MCC: variants seen among roughly 807,000 people sequenced by gnomAD.
MCC encodes the protein MCC regulator of Wnt signaling pathway, also known as colorectal mutant cancer protein.
A neutral mutation model predicts 116.2 loss-of-function variants in MCC; 90 were observed. The observed-to-expected ratio is 0.77, with a 90% CI of 0.65 to 0.92. MCC has a LOEUF of 0.92. Ranked by LOEUF, MCC falls within the 40% of genes least tolerant of loss-of-function variation. The pLI, the probability that MCC is intolerant of heterozygous loss-of-function variation, is 0.00. For synonymous variants in MCC, 578 were observed against 510.5 expected (o/e 1.13, Z -1.78); for missense variants, 1,516 against 1,312.2 (o/e 1.16, Z -2.40).
intron 1 of MCC, among the ~76,000 whole-genome samples, chr5:113,472,492 G>T (rs115884346): frequency 3.3e-5 from 5 of 152,276 alleles, no homozygotes; most frequent in Non-Finnish European, 5.9e-5. Flanking sequence ...AAGGTCACAA[G>T]TTATAATATA....
chr5:113,115,344 C>T, intron 6 of MCC, among the ~76,000 whole-genome samples: 1 of 152,212 alleles, frequency 6.6e-6, no homozygotes, highest in East Asian at 1.9e-4. Context: ...CACATTCTGA[C>T]TATAGATCTC....
At chr5:113,336,982 C>G (rs1767885517) in intron 3 of MCC, among the ~76,000 whole-genome samples, 1 of 152,230 alleles carries the variant, frequency 6.6e-6, no homozygotes, top group Admixed American at 6.5e-5. Context: ...TTTGTTGCTT[C>G]TCATCTCCAA....
At chr5:113,299,638 A>T (rs1766809359) in intron 3 of MCC, among the ~76,000 whole-genome samples, 1 of 152,230 alleles carries the variant, frequency 6.6e-6, no homozygotes, top group African/African-American at 2.4e-5. Flanking sequence ...TCACAATTAG[A>T]GCTTGCCAGC....
chr5:113,103,579 C>G (rs996059801), intron 7 of MCC, among the ~76,000 whole-genome samples: 1 of 152,230 alleles, frequency 6.6e-6, no homozygotes, highest in Non-Finnish European at 1.5e-5. Flanking sequence ...TTTGTGCAAT[C>G]CAGGATTCCT....
chr5:113,427,083 A>G (rs1268326090), intron 1 of MCC, among the ~76,000 whole-genome samples: 1 of 152,152 alleles, frequency 6.6e-6, no homozygotes, highest in African/African-American at 2.4e-5. Flanking sequence ...TCTGAGGGAC[A>G]CATCTTCTTC....
intron 3 of MCC, among the ~76,000 whole-genome samples, chr5:113,305,249 C>T (rs1436670542): frequency 6.6e-6 from 1 of 152,098 alleles, no homozygotes; most frequent in Non-Finnish European, 1.5e-5. Flanking sequence ...AGACAGCTTC[C>T]CTCTCCCAGC....
chr5:113,469,102 T>A (rs574591151), intron 1 of MCC, among the ~76,000 whole-genome samples: 1 of 152,218 alleles, frequency 6.6e-6, no homozygotes, highest in African/African-American at 2.4e-5. Context: ...GCTAGAAGTC[T>A]ATCAATTTTG....
chr5:113,434,009 C>G lies in MCC; in HGVS notation c.171-48797G>C, dbSNP rs1011804855. On this transcript the variant is annotated intron_variant, in intron 1 of 18. Coordinates refer to ENST00000408903, the MANE Select transcript of MCC (RefSeq NM_001085377.2). This position sits in a 1 kb window ranked among gnomAD's most constrained non-coding sequence, Gnocchi z 4.2. ...TGTTGATGGCCACAGAGGGAGATCC[C>G]CGTGCCTTGGGCTGCATCCAGCAGT... 2 of 1,614,010 alleles carry G rather than the reference C, an allele frequency of 1.2e-6. No individual in the cohort carries two copies. Among genetic ancestry groups the G allele is most frequent in the South Asian group, 2.2e-5 (2 of 91,082 alleles).
intron 5 of MCC, among the ~76,000 whole-genome samples, chr5:113,128,644 C>A (rs1330066368): frequency 3.9e-5 from 6 of 152,156 alleles, no homozygotes; most frequent in African/African-American, 1.4e-4. Context: ...ATATAACAAT[C>A]CATTTTTGTC....
At chr5:113,357,799 C>T (rs1173404970) in intron 2 of MCC, among the ~76,000 whole-genome samples, 1 of 152,144 alleles carries the variant, frequency 6.6e-6, no homozygotes, top group Non-Finnish European at 1.5e-5. Context: ...GGCCACTGAG[C>T]ATGTGGATAG....
At chr5:113,058,254 A>C (rs182481219) in intron 14 of MCC, among the ~76,000 whole-genome samples, 8 of 152,210 alleles carry the variant, frequency 5.3e-5, no homozygotes, top group African/African-American at 9.6e-5. Flanking sequence ...AGCATTCTCT[A>C]ATTACCCTGC....
chr5:113,364,767 G>A (rs1020796821), intron 2 of MCC, among the ~76,000 whole-genome samples: 1 of 152,210 alleles, frequency 6.6e-6, no homozygotes, highest in African/African-American at 2.4e-5. Context: ...CTGCACACCT[G>A]CAGGCTTAAC....
At chr5:113,385,930 G>A (rs1358540947) in intron 1 of MCC, among the ~76,000 whole-genome samples, 1 of 152,088 alleles carries the variant, frequency 6.6e-6, no homozygotes, top group African/African-American at 2.4e-5. Flanking sequence ...CTAGAGAAGT[G>A]TATCCAGCCT....
chr5:113,435,144 C>A (rs902339556), intron 1 of MCC: 20 of 359,176 alleles, frequency 5.6e-5, no homozygotes, highest in Non-Finnish European at 9.3e-5. Flanking sequence ...CAGAAAGTGG[C>A]CTCGTGTCTT....
chr5:113,129,618 T>C (rs1317192784), intron 5 of MCC, among the ~76,000 whole-genome samples: 1 of 152,192 alleles, frequency 6.6e-6, no homozygotes, highest in Non-Finnish European at 1.5e-5. Flanking sequence ...AGCCGTCTTA[T>C]GTCTCTTCTT....
chr5:113,280,052 A>G (rs1298861174), intron 3 of MCC, among the ~76,000 whole-genome samples: 1 of 152,196 alleles, frequency 6.6e-6, no homozygotes, highest in African/African-American at 2.4e-5. Flanking sequence ...CAGGACTACA[A>G]CTTGCTTCCA....
chr5:113,332,430 C>G (rs1561526965), intron 3 of MCC, among the ~76,000 whole-genome samples: 1 of 151,240 alleles, frequency 6.6e-6, no homozygotes, highest in Non-Finnish European at 1.5e-5. Flanking sequence ...ATAGAAGAGG[C>G]CAGGGACAGT....
rs374300739 is a variant in MCC, at chr5:113,027,291, G to A, written c.*11C>T. Reference sequence around the variant, plus strand: ...CTTCCCATGGGCAGAACTCCGGTGCGTGAGTGCTGATTAAAGCGAAGTTTC... The same window carrying A: ...CTTCCCATGGGCAGAACTCCGGTGCATGAGTGCTGATTAAAGCGAAGTTTC... On this transcript the variant is annotated 3_prime_UTR_variant, in exon 19 of 19. Transcript: ENST00000408903. The A allele has an allele frequency of 7.0e-5, 113 of 1,613,724 alleles. No individual in the cohort carries two copies. The Middle Eastern group carries it at 9.9e-4, about 14-fold the overall frequency.
intron 1 of MCC, among the ~76,000 whole-genome samples, chr5:113,399,462 C>A (rs1735890065): frequency 6.6e-6 from 1 of 151,814 alleles, no homozygotes; most frequent in African/African-American, 2.4e-5. Flanking sequence ...TCCAGCCTGG[C>A]CGACAGAGCA....
Sources: allele counts gnomAD v4.1 joint callset (sites outside exome capture counted in the v4.1 genomes callset), GRCh38; gene constraint gnomAD v4.1.1; non-coding constraint Gnocchi (gnomAD v3.1); transcripts MANE v1.5; gene names NCBI Gene and HGNC (gene_info 2026-07-23, HGNC 2026-07-21).